Variants in RABGAP1L observed in about 807,000 individuals in gnomAD.
RABGAP1L encodes the protein rab GTPase-activating protein 1-like.
RABGAP1L carries 63 observed loss-of-function variants against 137.7 expected under a neutral mutation model. The ratio of observed to expected loss-of-function variants is 0.46; its 90% CI spans 0.37 to 0.56. RABGAP1L has a LOEUF of 0.56. RABGAP1L is among the 20% of genes least tolerant of loss of function. The pLI is 0.00. For missense variants in RABGAP1L, 1,095 were observed against 1,244.0 expected (o/e 0.88, Z 1.80); for synonymous variants, 431 against 433.7 (o/e 0.99, Z 0.08).
At chr1:174,270,693 CTG>C (rs1162840607) in intron 7 of RABGAP1L, among the ~76,000 whole-genome samples, 1 of 152,050 alleles carries the variant, frequency 6.6e-6, no homozygotes, top group African/African-American at 2.4e-5. Context: ...ACTTTCCAAA[CTG>C]TTAGCATTAT....
intron 19 of RABGAP1L, among the ~76,000 whole-genome samples, chr1:174,846,402 C>G (rs1364935601): frequency 9.2e-5 from 14 of 151,486 alleles, no homozygotes; most frequent in East Asian, 5.8e-4. Context: ...CTTTGAATGC[C>G]TCCCAGAGAT....
At chr1:174,499,395 T>G (rs1661055700) in intron 13 of RABGAP1L, among the ~76,000 whole-genome samples, 1 of 152,192 alleles carries the variant, frequency 6.6e-6, no homozygotes, top group African/African-American at 2.4e-5. Context: ...TACAGGTATA[T>G]TTTGGCATAG....
At chr1:174,772,176 C>T (rs948710100) in intron 18 of RABGAP1L, among the ~76,000 whole-genome samples, 3 of 150,802 alleles carry the variant, frequency 2.0e-5, no homozygotes, top group Non-Finnish European at 4.4e-5. Context: ...ACAGCCTGGA[C>T]GACAGAGTCA....
At position 174,839,343 on chromosome 1, in the gene RABGAP1L, C is replaced by T. The variant is rs1693138840; in HGVS notation, c.2340+27383C>T. ...CCAGTTACCCCTCTCACATGCACAT[C>T]CACACACAGATACTTGAGACAACTT... On this transcript the variant is annotated intron_variant, in intron 19 of 25. Transcript: ENST00000681986. Among the ~76,000 whole-genome samples the T allele has an allele frequency of 3.3e-5, 5 of 152,126 alleles. No individual in the cohort carries two copies. The South Asian group carries it at 8.3e-4, about 25-fold the overall frequency.
At chr1:174,589,273 C>T (rs1669366972) in intron 13 of RABGAP1L, among the ~76,000 whole-genome samples, 7 of 152,040 alleles carry the variant, frequency 4.6e-5, no homozygotes, top group Admixed American at 4.6e-4. Flanking sequence ...TTATTCAAAT[C>T]TTTTGCCCAT....
intron 14 of RABGAP1L, among the ~76,000 whole-genome samples, chr1:174,640,848 GCATCTAAT>G (rs1417063003): frequency 1.3e-5 from 2 of 150,988 alleles, no homozygotes; most frequent in Non-Finnish European, 3.0e-5. Flanking sequence ...GAAAGGAAAT[GCATCTAAT>G]GATTAACCAC....
intron 19 of RABGAP1L, among the ~76,000 whole-genome samples, chr1:174,915,440 G>A (rs1224870227): frequency 6.6e-6 from 1 of 151,872 alleles, no homozygotes; most frequent in Non-Finnish European, 1.5e-5. Context: ...TTGGTAAAAT[G>A]TCTGTTCAGA....
At chr1:174,255,199 G>A (rs1005501622) in intron 7 of RABGAP1L, among the ~76,000 whole-genome samples, 15 of 152,082 alleles carry the variant, frequency 9.9e-5, no homozygotes, top group African/African-American at 3.4e-4. Flanking sequence ...AAAAATAATG[G>A]TGAGTCTTAA....
intron 12 of RABGAP1L, among the ~76,000 whole-genome samples, chr1:174,377,744 A>G (rs976802003): frequency 7.4e-6 from 1 of 134,490 alleles, no homozygotes; most frequent in Admixed American, 7.3e-5. Context: ...AAAGCGTAGC[A>G]TAGCAACTGC....
chr1:174,659,943 C>T (rs1055027001), intron 14 of RABGAP1L, among the ~76,000 whole-genome samples: 1 of 152,146 alleles, frequency 6.6e-6, no homozygotes, highest in African/African-American at 2.4e-5. Flanking sequence ...TGTTGTCTAC[C>T]ACCAGAACAG....
At chr1:174,389,470 C>T (rs918009858) in intron 12 of RABGAP1L, among the ~76,000 whole-genome samples, 1 of 152,066 alleles carries the variant, frequency 6.6e-6, no homozygotes, top group African/African-American at 2.4e-5. Flanking sequence ...TTAGAAATAA[C>T]TCTTTCCCTT....
intron 17 of RABGAP1L, among the ~76,000 whole-genome samples, chr1:174,729,080 T>C (rs1015577855): frequency 1.3e-5 from 2 of 152,152 alleles, no homozygotes; most frequent in Non-Finnish European, 2.9e-5. Flanking sequence ...AAATATACTG[T>C]AAGGCTATAT....
chr1:174,227,908 A>G (rs572105135), intron 3 of RABGAP1L, among the ~76,000 whole-genome samples: 2 of 151,722 alleles, frequency 1.3e-5, no homozygotes, highest in South Asian at 2.1e-4. Context: ...AGAGCAAGGA[A>G]TAGGTCTTTT....
Position 174,699,651 on chromosome 1 carries a change from G to A in RABGAP1L, c.2025+1G>A. The A allele has an allele frequency of 2.5e-6, 4 of 1,600,302 alleles. No individual in the cohort carries two copies. Among genetic ancestry groups the A allele is most frequent in the Non-Finnish European group, 3.4e-6 (4 of 1,171,356 alleles). On this transcript the variant is annotated splice_donor_variant, in intron 16 of 25. Coordinates refer to ENST00000681986, the MANE Select transcript of RABGAP1L (RefSeq NM_001366446.1). LOFTEE classifies it high-confidence loss of function. ...CTACCAGTTGGAGAGACTAATGCAG[G>A]TAAATAAAAATTAGGAACTTTTATC...
chr1:174,857,987 T>G (rs568318405), intron 19 of RABGAP1L, among the ~76,000 whole-genome samples: 46 of 152,316 alleles, frequency 3.0e-4, no homozygotes, highest in Non-Finnish European at 5.6e-4. Context: ...CTCCTCTCTA[T>G]AATTGTATTT....
At chr1:174,282,666 G>C (rs1423703775) in intron 10 of RABGAP1L, among the ~76,000 whole-genome samples, 1 of 151,894 alleles carries the variant, frequency 6.6e-6, no homozygotes, top group Middle Eastern at 3.4e-3. Context: ...CTTTTTTTGT[G>C]TCCTATCTAA....
chr1:174,817,452 TA>T (rs958239696), intron 19 of RABGAP1L, among the ~76,000 whole-genome samples: 11 of 151,414 alleles, frequency 7.3e-5, no homozygotes, highest in African/African-American at 2.7e-4. Context: ...AGCCCATAGG[TA>T]AAAAAAATAT....
At chr1:174,536,752 T>C (rs1246039636) in intron 13 of RABGAP1L, among the ~76,000 whole-genome samples, 1 of 152,134 alleles carries the variant, frequency 6.6e-6, no homozygotes, top group Admixed American at 6.5e-5. Flanking sequence ...TTTTCTAACA[T>C]TAGGAAGGGA....
intron 13 of RABGAP1L, among the ~76,000 whole-genome samples, chr1:174,438,744 G>GTGTATATATATATATATA (rs1161311071): frequency 3.2e-4 from 31 of 95,428 alleles, no homozygotes; most frequent in African/African-American, 7.6e-4. Flanking sequence ...GTGTGTGTGT[G>GTGTATATATATATATATA]TATATATATA....
Sources: gnomAD v4.1 joint callset for allele counts (sites outside exome capture counted in the v4.1 genomes callset) on GRCh38, gnomAD v4.1.1 for gene constraint, MANE v1.5 for transcripts, NCBI Gene and HGNC (gene_info 2026-07-23, HGNC 2026-07-21) for gene names.